Variants in MADD observed in about 807,000 individuals in gnomAD.
MADD encodes MAP kinase-activating death domain protein.
A neutral mutation model predicts 176.7 loss-of-function variants in MADD; 109 were observed. That is an observed-to-expected ratio of 0.62 (90% CI 0.53 to 0.72). The LOEUF is 0.72. MADD is among the 30% of genes least tolerant of loss of function. MADD has a pLI of 0.00. For synonymous variants in MADD, 771 were observed against 771.3 expected, an observed-to-expected ratio of 1.00 and a Z score of 0.01; for missense variants, 1,914 against 2,045.5, an observed-to-expected ratio of 0.94 and a Z score of 1.24.
At chr11:47,275,040 C>A in exon 3 of MADD, 2 of 1,614,260 alleles carry the variant, frequency 1.2e-6, no homozygotes, top group Non-Finnish European at 1.7e-6. Flanking sequence ...TGTGCGTGCT[C>A]AGCCACTACC....
chr11:47,279,861 A>G (rs1188747679), intron 7 of MADD, among the ~76,000 whole-genome samples: 1 of 151,958 alleles, frequency 6.6e-6, no homozygotes. Context: ...TCACGAGGTC[A>G]GGAGTTGAAG....
intron 19 of MADD, 83 bp downstream of exon 20, chr11:47,290,899 C>CT: frequency 8.8e-7 from 1 of 1,132,432 alleles, no homozygotes; most frequent in African/African-American, 1.5e-5. Context: ...AGAATCCTGC[C>CT]TTTCTCTGCC....
At chr11:47,294,313 A>G (rs535809061) in intron 20 of MADD, among the ~76,000 whole-genome samples, 43 of 150,090 alleles carry the variant, frequency 2.9e-4, no homozygotes, top group African/African-American at 1.0e-3. Flanking sequence ...GTGCTGTTGC[A>G]CTCCAGCCTG....
At chr11:47,304,397 A>G (rs1426471763) in intron 22 of MADD, among the ~76,000 whole-genome samples, 1 of 151,830 alleles carries the variant, frequency 6.6e-6, no homozygotes, top group Non-Finnish European at 1.5e-5. Flanking sequence ...CACCTGGCTA[A>G]TTTTGTATTT....
chr11:47,301,019 ACTCT>A (rs1210630962), intron 22 of MADD, among the ~76,000 whole-genome samples: 107 of 86,470 alleles, frequency 1.2e-3, no homozygotes, highest in African/African-American at 3.6e-3. Flanking sequence ...AGGTCTTTTC[ACTCT>A]CTCTCTTTTT....
intron 23 of MADD, 95 bp downstream of exon 25, chr11:47,308,794 C>T: frequency 1.7e-6 from 2 of 1,142,978 alleles, no homozygotes; most frequent in South Asian, 1.3e-5. Context: ...TGTCTTTCTG[C>T]TGATCTTAAT....
At chr11:47,289,153 C>A in intron 15 of MADD, 126 bp downstream of exon 16, 1 of 1,016,734 alleles carries the variant, frequency 9.8e-7, no homozygotes, top group Non-Finnish European at 1.5e-6. Flanking sequence ...CCCCGTCCCC[C>A]GTGACGCCCA....
In MADD at chr11:47,327,173, C is replaced by G. The variant is rs184314255; in HGVS notation, c.4612+366C>G. The G allele has an allele frequency of 7.4e-5, 76 of 1,032,468 alleles. No homozygotes were observed. In the East Asian group the frequency reaches 2.9e-3, roughly 39 times the overall value. The allele number at this position is 1,032,468 out of a possible 1,614,324, so 64.0% of individuals were successfully genotyped here. On this transcript the variant is annotated intron_variant, in intron 31 of 32. Coordinates refer to ENST00000402192, the Ensembl canonical transcript of MADD. The stretch of plus-strand genomic sequence containing the variant: ...CTATGTCCATGTCACCTGCTGCAAT[C>G]TCTCTAGCAGCCCAGTGCGCTAGCC...
In MADD at chr11:47,290,557, C is replaced by T. The variant is rs960167280; in HGVS notation, c.3095-53C>T. The T allele has an allele frequency of 8.4e-6, 13 of 1,546,824 alleles. No homozygotes were observed. In the Admixed American group the frequency reaches 8.8e-5, roughly 11 times the overall value. Reference sequence around the variant, plus strand: ...CCTGGCTCCTCCCACCTCATATCTGCGCCTTGATTCCTACTCACTACTTCT... The same window carrying T: ...CCTGGCTCCTCCCACCTCATATCTGTGCCTTGATTCCTACTCACTACTTCT... On this transcript the variant is annotated intron_variant, in intron 18 of 32. Coordinates refer to ENST00000402192, the Ensembl canonical transcript of MADD.
At chr11:47,329,325 C>T (rs538595509) in exon 33 of MADD, 9 of 605,528 alleles carry the variant, frequency 1.5e-5, no homozygotes, top group African/African-American at 1.1e-4. Context: ...GTGTCTTGAG[C>T]GTGTCCACCT....
At chr11:47,309,706 A>G (rs2086414803) in intron 25 of MADD, 94 bp downstream of exon 28, 2 of 890,756 alleles carry the variant, frequency 2.2e-6, no homozygotes, top group Admixed American at 1.9e-5. Context: ...GGAAGCTATC[A>G]AGGTATCTTA....
intron 26 of MADD, among the ~76,000 whole-genome samples, chr11:47,314,672 T>TAGA (rs2092108676): frequency 6.6e-6 from 1 of 152,186 alleles, no homozygotes; most frequent in African/African-American, 2.4e-5. Flanking sequence ...CGTCTATTTA[T>TAGA]CTGAAAAGGC....
intron 25 of MADD, among the ~76,000 whole-genome samples, chr11:47,310,161 G>A (rs932639114): frequency 4.0e-5 from 6 of 149,888 alleles, no homozygotes; most frequent in African/African-American, 1.5e-4. Context: ...TGATTCCATA[G>A]TATTTATTTA....
At chr11:47,284,438 A>G (rs2059235935) in exon 12 of MADD, 3 of 1,614,184 alleles carry the variant, frequency 1.9e-6, no homozygotes, top group Non-Finnish European at 2.5e-6. Context: ...GACGAGCTGC[A>G]GAATCAGAAG....
intron 27 of MADD, among the ~76,000 whole-genome samples, chr11:47,322,472 C>T (rs573043255): frequency 1.3e-5 from 2 of 152,166 alleles, no homozygotes; most frequent in East Asian, 3.9e-4. Flanking sequence ...ATTAGCCGGG[C>T]ATGGTGGTGG....
In MADD at chr11:47,293,881, A is replaced by G; in HGVS notation, c.3302-2A>G. On this transcript the variant is annotated splice_acceptor_variant, in intron 19 of 32. Transcript: ENST00000402192. LOFTEE classifies it high-confidence loss of function. ...GAGTAACAGAAGTCTTCCCCTACTCAGGGCCTGAAGTAATCAAACCTGTCT... is the reference window on the plus strand; with the variant it reads ...GAGTAACAGAAGTCTTCCCCTACTCGGGGCCTGAAGTAATCAAACCTGTCT... The G allele has an allele frequency of 6.2e-7, 1 of 1,606,924 alleles. No individual in the cohort carries two copies. The highest frequency in any genetic ancestry group is 1.3e-5 in the African/African-American group (1 of 74,842).
chr11:47,276,097 C>A (rs780187390), exon 4 of MADD: 6 of 1,614,216 alleles, frequency 3.7e-6, no homozygotes, highest in Non-Finnish European at 4.2e-6. Context: ...CTCTTCCAGA[C>A]CCATCTCGAT....
In MADD at chr11:47,289,849, G is replaced by T. The variant is rs368744184; in HGVS notation, c.2757-18G>T. The T allele has an allele frequency of 6.8e-6, 11 of 1,612,116 alleles. No homozygotes were observed. In the African/African-American group the frequency reaches 1.3e-4, roughly 20 times the overall value. ...CAAAGGAGCTGATGACCACAGAAGCGGTGTGTGGACCCTGTAGTGAGAACC... is the reference window on the plus strand; with the variant it reads ...CAAAGGAGCTGATGACCACAGAAGCTGTGTGTGGACCCTGTAGTGAGAACC... On this transcript the variant is annotated intron_variant, in intron 16 of 32. Coordinates refer to ENST00000402192, the Ensembl canonical transcript of MADD.
chr11:47,281,215 C>T (rs1054783495), intron 7 of MADD, among the ~76,000 whole-genome samples: 12 of 152,252 alleles, frequency 7.9e-5, no homozygotes, highest in Admixed American at 5.2e-4. Context: ...AATTTCCATT[C>T]TATATAATTT....
Sources: allele counts gnomAD v4.1 joint callset (sites outside exome capture counted in the v4.1 genomes callset), GRCh38; gene constraint gnomAD v4.1.1; transcripts MANE v1.5; gene names NCBI Gene and HGNC (gene_info 2026-07-23, HGNC 2026-07-21).